Variants in URB1 observed in about 807,000 individuals in gnomAD.
The protein encoded by URB1 is nucleolar pre-ribosomal-associated protein 1.
In URB1, 197 loss-of-function variants were observed where a neutral mutation model predicts 242.3. The ratio of observed to expected loss-of-function variants is 0.81; its 90% CI spans 0.72 to 0.91. The LOEUF (loss-of-function observed/expected upper bound fraction) is 0.91. Among genes scored for constraint, URB1 ranks in the 40% least tolerant of loss-of-function variants. The pLI, the probability that URB1 is intolerant of heterozygous loss-of-function variation, is 0.00. For synonymous variants in URB1, 1,153 were observed against 1,201.8 expected, an observed-to-expected ratio of 0.96 and a Z score of 0.84; for missense variants, 2,721 against 2,860.5, an observed-to-expected ratio of 0.95 and a Z score of 1.11.
At chr21:32,348,626 G>A (rs2033121611) in intron 21 of URB1, among the ~76,000 whole-genome samples, 1 of 152,110 alleles carries the variant, frequency 6.6e-6, no homozygotes. Flanking sequence ...TTATTCTTAG[G>A]GAAGGAAAGA....
chr21:32,363,310 C>T lies in URB1; in HGVS notation c.1355G>A (p.Arg452Lys). The change falls in exon 11 of 39, where the codon AGG becomes AAG. Residue 452 changes from arginine to lysine, a missense_variant. Physicochemically the swap from Arg to Lys is conservative, Grantham distance 26 (BLOSUM62 2). Transcript: ENST00000382751. The part of the protein sequence containing the change: ...QALNLDSTSV[R>K]HTALSLISVI... ...AGAAATAAGGGATAAGGCTGTGTGC[C>T]TCACTGAGGTGCTGTCCAACTGGGA... The T allele has an allele frequency of 6.4e-7, 1 of 1,551,588 alleles. No homozygotes were observed. The highest frequency in any genetic ancestry group is 8.7e-7 in the Non-Finnish European group (1 of 1,147,018).
At chr21:32,377,193 G>A (rs760757946) in intron 5 of URB1, 2 of 518,568 alleles carry the variant, frequency 3.9e-6, no homozygotes, top group African/African-American at 1.9e-5. Flanking sequence ...TATCTATTGT[G>A]CAACCCACTT....
intron 1 of URB1, among the ~76,000 whole-genome samples, chr21:32,386,257 A>C (rs993513908): frequency 2.0e-5 from 3 of 152,132 alleles, no homozygotes; most frequent in African/African-American, 7.2e-5. Flanking sequence ...CATGAGGGTG[A>C]GGTCCTGATC....
intron 24 of URB1, among the ~76,000 whole-genome samples, chr21:32,344,113 T>C (rs1345493263): frequency 6.6e-6 from 1 of 152,152 alleles, no homozygotes; most frequent in African/African-American, 2.4e-5. Context: ...ACCAAAGACA[T>C]TGCAGGAAAA....
chr21:32,347,620 C>A lies in URB1; in HGVS notation c.3204G>T (p.Gln1068His), dbSNP rs745355984. Reference sequence around the variant, plus strand: ...CTGAGTACCTGGCCAGAAGGCCCAGCTGCCCAATGTTCTGGAGGATCGGGG... The same window carrying A: ...CTGAGTACCTGGCCAGAAGGCCCAGATGCCCAATGTTCTGGAGGATCGGGG... ...ASAPILQNIG[Q>H]LGLLARYSEA... The change falls in exon 22 of 39, where the codon CAG becomes CAT. Residue 1068 changes from glutamine to histidine, a missense_variant. By Grantham distance (24) the Gln-to-His change is conservative (BLOSUM62 0). Coordinates refer to ENST00000382751, the MANE Select transcript of URB1 (RefSeq NM_014825.3). The A allele has an allele frequency of 1.9e-6, 3 of 1,551,708 alleles. No homozygotes were observed. In the South Asian group the frequency reaches 3.6e-5, roughly 18 times the overall value.
chr21:32,316,207 G>A (rs1394324846), intron 38 of URB1, among the ~76,000 whole-genome samples: 1 of 152,162 alleles, frequency 6.6e-6, no homozygotes, highest in African/African-American at 2.4e-5. Context: ...GTTCTGAGGT[G>A]CCCTCTCTGC....
At position 32,315,066 on chromosome 21, in the gene URB1, T is replaced by C; in HGVS notation, c.6668A>G (p.Lys2223Arg). 8.4e-6 allele frequency: 13 copies of C among 1,545,702 alleles called. No individual in the cohort carries two copies. The highest frequency in any genetic ancestry group is 1.1e-5 in the Non-Finnish European group (13 of 1,142,820). ...CCGCTGAGCCCCCAGCCAGATGTCC[T>C]TTATGTAGAGAGACACTAGGAATGC... ...SAAFLVSLYI[K>R]DIWLGAQRPD... Residue 2223 changes from lysine (K) to arginine (R), a missense_variant, in exon 39 of 39, where the codon AAG becomes AGG. Transcript: ENST00000382751.
chr21:32,371,769 A>G (rs1255070046), intron 8 of URB1, among the ~76,000 whole-genome samples: 2 of 152,208 alleles, frequency 1.3e-5, no homozygotes. Context: ...TTTTATTGTC[A>G]AGTGGGAAAA....
intron 9 of URB1, among the ~76,000 whole-genome samples, chr21:32,367,512 C>A (rs937520605): frequency 2.0e-5 from 3 of 152,220 alleles, no homozygotes; most frequent in African/African-American, 7.2e-5. Context: ...AAGAAACAAT[C>A]CCAGGTATTT....
At chr21:32,315,126 T>C (rs2032661998) in intron 38 of URB1, 27 bp from the exon 39 acceptor site, 2 of 1,486,948 alleles carry the variant, frequency 1.3e-6, no homozygotes, top group South Asian at 1.3e-5. Context: ...GATAGGCCAT[T>C]AGGATGCACA....
At chr21:32,384,494 A>G (rs1168907742) in intron 2 of URB1, 30 bp from the exon 3 acceptor site, 1 of 1,544,100 alleles carries the variant, frequency 6.5e-7, no homozygotes, top group East Asian at 2.5e-5. Flanking sequence ...ACGCTTAGAA[A>G]TCGTCTCATT....
intron 6 of URB1, 28 bp downstream of exon 6, chr21:32,375,370 A>G: frequency 7.1e-7 from 1 of 1,406,228 alleles, no homozygotes; most frequent in African/African-American, 1.5e-5. Flanking sequence ...AAAACAGACA[A>G]CAGAAACGCG....
chr21:32,389,217 C>T (rs1392248161), intron 1 of URB1, among the ~76,000 whole-genome samples: 1 of 152,022 alleles, frequency 6.6e-6, no homozygotes, highest in African/African-American at 2.4e-5. Context: ...CATTCCAGGC[C>T]CCAAGGCTGG....
rs531809927 is a variant in URB1, at chr21:32,314,998, C to A, written c.6736G>T (p.Ala2246Ser). The change falls in exon 39 of 39, where the codon GCA becomes TCA. Residue 2246 changes from alanine (A) to serine (S), a missense_variant. Coordinates refer to ENST00000382751, the MANE Select transcript of URB1 (RefSeq NM_014825.3). ...LTHVRMVCEA[A>S]DDAPSSEEEA... ...TCTTCACTGCTCGGGGCATCATCTG[C>A]GGCCTCACACACCATCCGGACGTGG... 2 of 1,551,670 alleles carry A rather than the reference C, an allele frequency of 1.3e-6. No individual in the cohort carries two copies. Among genetic ancestry groups the A allele is most frequent in the Non-Finnish European group, 1.7e-6 (2 of 1,146,982 alleles).
At position 32,368,664 on chromosome 21, in the gene URB1, G is replaced by A. The variant is rs1014281625; in HGVS notation, c.1002-66C>T. On this transcript the variant is annotated intron_variant, in intron 8 of 38. Transcript: ENST00000382751. ...GGTCAAAGCACCCTGAGAGCTCATG[G>A]TGACGTGCAGCTCTGCAGAATTGCC... is the stretch of plus-strand genomic sequence containing the variant. 7.4e-6 allele frequency: 10 copies of A among 1,359,342 alleles called. No individual in the cohort carries two copies. The African/African-American group carries it at 1.5e-4, about 20-fold the overall frequency. 84.2% of individuals were successfully genotyped at this position (1,359,342 alleles called of 1,614,324 possible).
At position 32,333,388 on chromosome 21, in the gene URB1, C is replaced by T. The variant is rs866027214; in HGVS notation, c.4889G>A (p.Ser1630Asn). 1.3e-6 allele frequency: 2 copies of T among 1,551,568 alleles called. No individual in the cohort carries two copies. Among genetic ancestry groups the T allele is most frequent in the Non-Finnish European group, 1.7e-6 (2 of 1,146,984 alleles). The change falls in exon 30 of 39, where the codon AGC becomes AAC. Residue 1630 changes from serine (S) to asparagine (N), a missense_variant. Transcript: ENST00000382751. Reference protein sequence around the residue: ...DTQELIFKDKSRVDLDGLYDP... With the variant: ...DTQELIFKDKNRVDLDGLYDP... ...ATAGAGGCCATCAAGATCCACCCTG[C>T]TTTTGTCTTTGAATATCAGCTCCTG...
chr21:32,327,009 A>AG (rs1047100261), intron 30 of URB1, among the ~76,000 whole-genome samples: 2 of 152,182 alleles, frequency 1.3e-5, no homozygotes, highest in Non-Finnish European at 2.9e-5. Context: ...TATGTGTAAT[A>AG]GGGGGTCCCT....
intron 20 of URB1, 25 bp downstream of exon 20, chr21:32,350,679 T>C (rs1601138939): frequency 6.5e-7 from 1 of 1,547,250 alleles, no homozygotes; most frequent in Non-Finnish European, 8.7e-7. Context: ...CTCTGAAGCC[T>C]GTGGAGGATG....
chr21:32,352,342 G>C (rs1373721497), intron 19 of URB1, among the ~76,000 whole-genome samples: 1 of 152,178 alleles, frequency 6.6e-6, no homozygotes, highest in Non-Finnish European at 1.5e-5. Context: ...AGCACAGTTT[G>C]TCTAGGGCCA....
Sources: gnomAD v4.1 joint callset for allele counts (sites outside exome capture counted in the v4.1 genomes callset) on GRCh38, gnomAD v4.1.1 for gene constraint, MANE v1.5 for transcripts, NCBI Gene and HGNC (gene_info 2026-07-23, HGNC 2026-07-21) for gene names.